The following ACVR1B variants were observed in gnomAD, a reference collection of about 807,000 sequenced individuals.
The protein encoded by ACVR1B is activin receptor type-1B.
In ACVR1B, 15 loss-of-function variants were observed where a neutral mutation model predicts 55.6. That is an observed-to-expected ratio of 0.27 (90% CI 0.18 to 0.42). The LOEUF (loss-of-function observed/expected upper bound fraction) is 0.42. Among genes scored for constraint, ACVR1B ranks in the 10% least tolerant of loss-of-function variants. The pLI, the probability that ACVR1B is intolerant of heterozygous loss-of-function variation, is 1.00. For missense variants in ACVR1B, 359 were observed against 670.1 expected (o/e 0.54, Z 5.13); for synonymous variants, 247 against 254.6 (o/e 0.97, Z 0.28).
intron 1 of ACVR1B, chr12:51,953,523 A>G: frequency 1.0e-6 from 1 of 985,238 alleles, no homozygotes; most frequent in Non-Finnish European, 1.2e-6. Flanking sequence ...TTGCATGAAT[A>G]AGGATGTTCG....
At chr12:51,954,282 C>T (rs1294776698) in intron 1 of ACVR1B, among the ~76,000 whole-genome samples, 3 of 152,152 alleles carry the variant, frequency 2.0e-5, no homozygotes, top group Non-Finnish European at 2.9e-5. Flanking sequence ...GAATGAGTTT[C>T]AGTTAGAAAT....
chr12:51,989,086 T>C (rs1942136976), intron 7 of ACVR1B, among the ~76,000 whole-genome samples: 1 of 152,040 alleles, frequency 6.6e-6, no homozygotes, highest in African/African-American at 2.4e-5. Flanking sequence ...TGAAGCCCTA[T>C]CTCTATTAAA....
chr12:51,978,159 G>A (rs1168492886), intron 3 of ACVR1B, among the ~76,000 whole-genome samples: 1 of 152,060 alleles, frequency 6.6e-6, no homozygotes, highest in Admixed American at 6.6e-5. Context: ...TTTAGAAACA[G>A]CAAAAATCTA....
chr12:51,982,669 C>A (rs1420558221), intron 4 of ACVR1B: 1 of 1,508,888 alleles, frequency 6.6e-7, no homozygotes, highest in Admixed American at 2.3e-5. Context: ...ATTTGTTTTT[C>A]ATTCCTGAAA....
chr12:51,984,545 A>T (rs758944397), intron 5 of ACVR1B, among the ~76,000 whole-genome samples: 1 of 152,254 alleles, frequency 6.6e-6, no homozygotes, highest in African/African-American at 2.4e-5. Flanking sequence ...TTCCATGTTC[A>T]TTGATGGGGA....
intron 3 of ACVR1B, among the ~76,000 whole-genome samples, chr12:51,977,648 C>T (rs1941891504): frequency 7.2e-6 from 1 of 138,038 alleles, no homozygotes. Context: ...TATGGTCTCG[C>T]TCTGTTGTTG....
intron 8 of ACVR1B, 51 bp downstream of exon 8, chr12:51,992,044 T>G (rs372305411): frequency 6.2e-7 from 1 of 1,613,708 alleles, no homozygotes; most frequent in Non-Finnish European, 8.5e-7. Context: ...TTCTCCACCT[T>G]AGAAAAGGGT....
At chr12:51,969,962 TAG>T (rs1020057778) in intron 1 of ACVR1B, among the ~76,000 whole-genome samples, 9 of 152,136 alleles carry the variant, frequency 5.9e-5, no homozygotes, top group African/African-American at 1.9e-4. Context: ...ATAATATTGG[TAG>T]AGTCACCAAT....
chr12:51,993,530 C>T (rs1366876214), intron 8 of ACVR1B, among the ~76,000 whole-genome samples: 2 of 151,850 alleles, frequency 1.3e-5, no homozygotes, highest in Admixed American at 6.6e-5. Flanking sequence ...TTTGGGAGGC[C>T]GAGGTGGGCA....
At chr12:51,952,902 C>T (rs1941336330) in intron 1 of ACVR1B, among the ~76,000 whole-genome samples, 1 of 147,984 alleles carries the variant, frequency 6.8e-6, no homozygotes, top group South Asian at 2.2e-4. Context: ...TCTGTAGAAG[C>T]GGGTACCTTT....
intron 1 of ACVR1B, among the ~76,000 whole-genome samples, chr12:51,969,011 A>G (rs1305492419): frequency 6.6e-6 from 1 of 152,214 alleles, no homozygotes; most frequent in African/African-American, 2.4e-5. Flanking sequence ...CGCATCAAGA[A>G]GAACGAAGGT....
chr12:51,987,618 T>C (rs983703580), intron 7 of ACVR1B: 2 of 161,208 alleles, frequency 1.2e-5, no homozygotes, highest in African/African-American at 4.8e-5. Flanking sequence ...ATATAAGAGA[T>C]TCCAGGGCAG....
intron 7 of ACVR1B, among the ~76,000 whole-genome samples, chr12:51,988,055 A>G (rs1942116515): frequency 6.6e-6 from 1 of 152,270 alleles, no homozygotes; most frequent in Admixed American, 6.5e-5. Context: ...TGTTTTGTAT[A>G]TTAATACCCT....
At chr12:51,972,466 G>A (rs1941763869) in intron 1 of ACVR1B, among the ~76,000 whole-genome samples, 1 of 152,158 alleles carries the variant, frequency 6.6e-6, no homozygotes, top group Non-Finnish European at 1.5e-5. Context: ...TACTGTACAG[G>A]TTTCTAGCCT....
Position 51,994,087 on chromosome 12 carries a change from G to A in ACVR1B, c.1495G>A (p.Val499Met), listed in dbSNP as rs1202536106. 15 of 1,613,848 alleles carry A rather than the reference G, an allele frequency of 9.3e-6. No homozygotes were observed. The highest frequency in any genetic ancestry group is 1.6e-4 in the Middle Eastern group (1 of 6,082). ...RIKKTLSQLS[V>M]QEDVKI Reference sequence around the variant, plus strand: ...CAAGAAGACCCTCTCCCAGCTCAGCGTGCAGGAAGACGTGAAGATCTAACT... The same window carrying A: ...CAAGAAGACCCTCTCCCAGCTCAGCATGCAGGAAGACGTGAAGATCTAACT... The change falls in exon 9 of 9, where the codon GTG becomes ATG. Residue 499 changes from valine (V) to methionine (M), a missense_variant. This residue lies in a region of ACVR1B where 53 missense variants were observed against 78.5 expected (regional missense o/e 0.68). Transcript: ENST00000257963. This position sits in a 1 kb window ranked among gnomAD's most constrained non-coding sequence, Gnocchi z 4.2.
intron 1 of ACVR1B, among the ~76,000 whole-genome samples, chr12:51,954,180 A>C (rs535826095): frequency 6.6e-6 from 1 of 152,296 alleles, no homozygotes; most frequent in Non-Finnish European, 1.5e-5. Context: ...CTGATGCCTG[A>C]TACTTGGACT....
chr12:51,963,748 A>T (rs538612885), intron 1 of ACVR1B, among the ~76,000 whole-genome samples: 46 of 152,324 alleles, frequency 3.0e-4, no homozygotes, highest in Admixed American at 1.8e-3. Flanking sequence ...ACTGTTGAGA[A>T]TATTCATGTA....
In ACVR1B at chr12:51,951,852, G is replaced by A; in HGVS notation, c.91+18G>A. 1 of 1,258,370 alleles carries A rather than the reference G, an allele frequency of 7.9e-7. No homozygotes were observed. The highest frequency in any genetic ancestry group is 1.0e-6 in the Non-Finnish European group (1 of 991,666). The allele number at this position is 1,258,370 out of a possible 1,614,324, so 78.0% of individuals were successfully genotyped here. A position where few individuals can be genotyped will look rare whatever the true frequency, so the allele number is the denominator to read the frequency against. On this transcript the variant is annotated intron_variant, in intron 1 of 8. Transcript: ENST00000257963. Reference sequence around the variant, plus strand: ...GGTCCAGGGTGAGTCCTGGGACGGGGGGCGGGGGCCGGGATGGAGAGGGCC... The same window carrying A: ...GGTCCAGGGTGAGTCCTGGGACGGGAGGCGGGGGCCGGGATGGAGAGGGCC...
chr12:51,992,339 T>C (rs1942208213), intron 8 of ACVR1B: 1 of 363,472 alleles, frequency 2.8e-6, no homozygotes, highest in Non-Finnish European at 4.9e-6. Context: ...ACCCCATCTC[T>C]ACAAGAAATA....
Sources: gnomAD v4.1 joint callset for allele counts (sites outside exome capture counted in the v4.1 genomes callset) on GRCh38, gnomAD v4.1.1 for gene constraint, gnomAD v4.1.1 regional missense constraint, Gnocchi (gnomAD v3.1) non-coding constraint, MANE v1.5 for transcripts, NCBI Gene and HGNC (gene_info 2026-07-23, HGNC 2026-07-21) for gene names.